Variants in COL23A1 observed in about 807,000 individuals in gnomAD.
The protein encoded by COL23A1 is collagen alpha-1(XXIII) chain.
COL23A1 carries 97 observed loss-of-function variants against 99.3 expected under a neutral mutation model. The observed-to-expected ratio is 0.98, with a 90% CI of 0.83 to 1.16. COL23A1 has a LOEUF of 1.16. Ranked by LOEUF, COL23A1 falls within the 50% of genes most tolerant of loss-of-function variation. The pLI is 0.00. For synonymous variants in COL23A1, 320 were observed against 308.2 expected (o/e 1.04, Z -0.40); for missense variants, 762 against 757.4 (o/e 1.01, Z -0.07).
intron 2 of COL23A1, among the ~76,000 whole-genome samples, chr5:178,369,213 G>C (rs754450168): frequency 6.6e-6 from 1 of 152,164 alleles, no homozygotes; most frequent in African/African-American, 2.4e-5. Context: ...TCCTGTCCAG[G>C]GGAGACGAAC....
rs980319613 is a variant in COL23A1 at position 178,544,283 on chromosome 5, C to T, written c.361+16399G>A. Among the ~76,000 whole-genome samples the T allele has an allele frequency of 2.6e-5, 4 of 152,164 alleles. No individual in the cohort carries two copies. Among genetic ancestry groups the T allele is most frequent in the South Asian group, 2.1e-4 (1 of 4,830 alleles). On this transcript the variant is annotated intron_variant, in intron 2 of 28. Transcript: ENST00000390654. This position sits in a 1 kb window ranked among gnomAD's most constrained non-coding sequence, Gnocchi z 4.4. ...CTAGTGCCCAGGGAACAGAGCTCGCCGCTTACAGAGCCCCCAGCCCAGCCC... is the reference window on the plus strand; with the variant it reads ...CTAGTGCCCAGGGAACAGAGCTCGCTGCTTACAGAGCCCCCAGCCCAGCCC...
chr5:178,460,331 TTGGC>T (rs1756047816), intron 2 of COL23A1, among the ~76,000 whole-genome samples: 1 of 151,990 alleles, frequency 6.6e-6, no homozygotes, highest in Admixed American at 6.5e-5. Context: ...AAAAAAGCCC[TTGGC>T]AAAGATGAGC....
intron 2 of COL23A1, among the ~76,000 whole-genome samples, chr5:178,448,215 C>T (rs1767279246): frequency 6.1e-5 from 1 of 16,508 alleles, no homozygotes; most frequent in Admixed American, 5.9e-4. Context: ...CCGTTTTGTT[C>T]TGTTAGTGCT....
At chr5:178,420,645 C>T (rs1333134195) in intron 2 of COL23A1, among the ~76,000 whole-genome samples, 2 of 52,452 alleles carry the variant, frequency 3.8e-5, no homozygotes, top group East Asian at 1.1e-3. Flanking sequence ...TGTGACCTCC[C>T]TCCTCCCCTG....
At chr5:178,505,861 T>G (rs1208538919) in intron 2 of COL23A1, among the ~76,000 whole-genome samples, 1 of 152,112 alleles carries the variant, frequency 6.6e-6, no homozygotes, top group African/African-American at 2.4e-5. Context: ...GTGAAGGACC[T>G]GTGCCAGACA....
rs1766101892 is a variant in COL23A1, at chr5:178,428,981, G to GCCCA, written c.362-122066_362-122063dup. On this transcript the variant is annotated intron_variant, in intron 2 of 28. Transcript: ENST00000390654. This position sits in a 1 kb window ranked among gnomAD's most constrained non-coding sequence, Gnocchi z 5.0. ...TGAGACCCTACCACACCCCAGTGCT[G>GCCCA]CCCAGGCCCAGCACCCGGGGTGCGG... Among the ~76,000 whole-genome samples, 1 of 152,086 alleles carries GCCCA rather than the reference G, an allele frequency of 6.6e-6. No homozygotes were observed. The highest frequency in any genetic ancestry group is 6.5e-5 in the Admixed American group (1 of 15,284).
chr5:178,258,088 A>G (rs1335809213), intron 12 of COL23A1, among the ~76,000 whole-genome samples: 2 of 151,906 alleles, frequency 1.3e-5, no homozygotes, highest in African/African-American at 4.8e-5. Flanking sequence ...CAAAAACCAG[A>G]AAATAAAAAA....
At chr5:178,424,904 A>C (rs17081217) in intron 2 of COL23A1, among the ~76,000 whole-genome samples, 1 of 152,140 alleles carries the variant, frequency 6.6e-6, no homozygotes, top group African/African-American at 2.4e-5. Flanking sequence ...CACCCCGCTC[A>C]TTGGAGAAAA....
At chr5:178,446,091 C>G (rs1341195079) in intron 2 of COL23A1, among the ~76,000 whole-genome samples, 1 of 151,008 alleles carries the variant, frequency 6.6e-6, no homozygotes, top group Non-Finnish European at 1.5e-5. Context: ...CAAAAAATTT[C>G]CATATATATA....
chr5:178,292,338 A>C (rs1209871244), intron 3 of COL23A1, among the ~76,000 whole-genome samples: 2 of 152,178 alleles, frequency 1.3e-5, no homozygotes, highest in Non-Finnish European at 1.5e-5. Context: ...GCCTGGCCCC[A>C]TCTACGGTCC....
chr5:178,456,527 C>T (rs1451320620), intron 2 of COL23A1, among the ~76,000 whole-genome samples: 2 of 152,046 alleles, frequency 1.3e-5, no homozygotes, highest in East Asian at 1.9e-4. Flanking sequence ...GCAGAAAGCC[C>T]GTCTCTACTA....
chr5:178,547,481 ACACACACC>A (rs1761657711), intron 2 of COL23A1, among the ~76,000 whole-genome samples: 1 of 126,738 alleles, frequency 7.9e-6, no homozygotes, highest in Non-Finnish European at 1.7e-5. Context: ...ACACACCCAC[ACACACACC>A]CACACATCCC....
In COL23A1 at chr5:178,590,163, T is replaced by TCGC; in HGVS notation, c.32_34dup (p.Gly11dup). Reference sequence around the variant, plus strand: ...GCCCGCCGCATTGCCCTTCCCCGCGTCGCCGCCGCCACCGGCGCGCTCGCC... The same window carrying TCGC: ...GCCCGCCGCATTGCCCTTCCCCGCGTCGCCGCCGCCGCCACCGGCGCGCTCGCC... On this transcript the variant is annotated inframe_insertion, in exon 1 of 29. Coordinates refer to ENST00000390654, the MANE Select transcript of COL23A1 (RefSeq NM_173465.4). This position sits in a 1 kb window ranked among gnomAD's most constrained non-coding sequence, Gnocchi z 5.7. 8.2e-7 allele frequency: 1 copy of TCGC among 1,222,410 alleles called. No homozygotes were observed. Among genetic ancestry groups the TCGC allele is most frequent in the Admixed American group, 4.4e-5 (1 of 22,744 alleles). 75.7% of individuals were successfully genotyped at this position (1,222,410 alleles called of 1,614,324 possible).
chr5:178,359,774 T>C (rs34413260), intron 2 of COL23A1, among the ~76,000 whole-genome samples: 23,692 of 152,168 alleles, frequency 0.16, 2,008 homozygotes, highest in Non-Finnish European at 0.17. Flanking sequence ...GCCACTTCTT[T>C]GAAGGGAAAG....
chr5:178,534,973 T>C (rs1323940056), intron 2 of COL23A1, among the ~76,000 whole-genome samples: 7 of 56,710 alleles, frequency 1.2e-4, no homozygotes, highest in Non-Finnish European at 2.1e-4. Flanking sequence ...TTCCTTTTTC[T>C]TTTTTTTTTT....
chr5:178,281,690 A>G lies in COL23A1; in HGVS notation c.441+6634T>C, dbSNP rs1756908826. ...CCCCTTCCTCCAGTTTCTGCCCTGT[A>G]GCCAAGGAGGCCTTTTCTACTTTTT... On this transcript the variant is annotated intron_variant, in intron 5 of 28. Coordinates refer to ENST00000390654, the MANE Select transcript of COL23A1 (RefSeq NM_173465.4). The surrounding 1 kb of genome is among the most constrained non-coding windows in gnomAD (Gnocchi z 4.0). 6.6e-6 allele frequency among the ~76,000 whole-genome samples: 1 copy of G among 152,228 alleles called. No individual in the cohort carries two copies. The highest frequency in any genetic ancestry group is 1.5e-5 in the Non-Finnish European group (1 of 68,034).
chr5:178,446,020 T>C (rs1767140397), intron 2 of COL23A1, among the ~76,000 whole-genome samples: 1 of 152,022 alleles, frequency 6.6e-6, no homozygotes, highest in East Asian at 1.9e-4. Flanking sequence ...TAGTAGCATA[T>C]AAAAAGTCTG....
intron 2 of COL23A1, among the ~76,000 whole-genome samples, chr5:178,335,716 A>C (rs914138532): frequency 6.6e-6 from 1 of 152,206 alleles, no homozygotes; most frequent in Admixed American, 6.5e-5. Context: ...CAATTCAAGG[A>C]GGAAGATCCG....
chr5:178,424,844 T>G (rs531779959), intron 2 of COL23A1, among the ~76,000 whole-genome samples: 1 of 152,232 alleles, frequency 6.6e-6, no homozygotes, highest in African/African-American at 2.4e-5. Context: ...TTCAGTGTTA[T>G]CATGGGTGTA....
Sources: gnomAD v4.1 joint callset for allele counts (sites outside exome capture counted in the v4.1 genomes callset) on GRCh38, gnomAD v4.1.1 for gene constraint, Gnocchi (gnomAD v3.1) non-coding constraint, MANE v1.5 for transcripts, NCBI Gene and HGNC (gene_info 2026-07-23, HGNC 2026-07-21) for gene names.